The following UST variants were observed in gnomAD, a reference collection of about 807,000 sequenced individuals.
The protein encoded by UST is uronyl 2-sulfotransferase, also known as chondroitin sulfate 2-O-sulfotransferase.
UST carries 21 observed loss-of-function variants against 45.6 expected under a neutral mutation model. The observed-to-expected ratio is 0.46, with a 90% CI of 0.33 to 0.66. UST has a LOEUF of 0.66. Among genes scored for constraint, UST ranks in the 30% least tolerant of loss-of-function variants. The pLI, the probability that UST is intolerant of heterozygous loss-of-function variation, is 0.02. For synonymous variants in UST, 215 were observed against 200.6 expected, an observed-to-expected ratio of 1.07 and a Z score of -0.61; for missense variants, 463 against 512.4, an observed-to-expected ratio of 0.90 and a Z score of 0.93.
At chr6:148,875,597 A>T (rs1778633235) in intron 1 of UST, among the ~76,000 whole-genome samples, 1 of 152,190 alleles carries the variant, frequency 6.6e-6, no homozygotes, top group African/African-American at 2.4e-5. Context: ...GAGGTCAGGG[A>T]GTTCAAGACC....
chr6:148,809,369 C>G (rs1428613995), intron 1 of UST, among the ~76,000 whole-genome samples: 1 of 151,814 alleles, frequency 6.6e-6, no homozygotes, highest in African/African-American at 2.4e-5. Flanking sequence ...CCTCTTTCTC[C>G]CATACACTGT....
At chr6:148,778,717 C>T in intron 1 of UST, among the ~76,000 whole-genome samples, 1 of 152,140 alleles carries the variant, frequency 6.6e-6, no homozygotes, top group East Asian at 1.9e-4. Context: ...GTCCAGGGCA[C>T]CTGTAAGTAA....
chr6:148,792,340 C>T (rs891322652), intron 1 of UST, among the ~76,000 whole-genome samples: 1 of 152,210 alleles, frequency 6.6e-6, no homozygotes, highest in Non-Finnish European at 1.5e-5. Flanking sequence ...TCAGAGCTGA[C>T]CCCGGGCTGG....
At chr6:148,766,945 T>G (rs1776336329) in intron 1 of UST, among the ~76,000 whole-genome samples, 1 of 152,248 alleles carries the variant, frequency 6.6e-6, no homozygotes, top group Non-Finnish European at 1.5e-5. Flanking sequence ...TTATAACACT[T>G]TAGCTTACAG....
In UST at chr6:148,792,251, C is replaced by G. The variant is rs769203696; in HGVS notation, c.247+44574C>G. On this transcript the variant is annotated intron_variant, in intron 1 of 7. Transcript: ENST00000367463. The stretch of plus-strand genomic sequence containing the variant: ...AGTTTCTATCCTTGAATAAATTATG[C>G]TTGGCACCGTGCAGACCAAAATAGA... Among the ~76,000 whole-genome samples the G allele has an allele frequency of 3.3e-5, 5 of 152,136 alleles. 1 individual carries two copies. The highest frequency in any genetic ancestry group is 7.3e-5 in the Non-Finnish European group (5 of 68,036).
Position 149,023,149 on chromosome 6 carries a change from TG to T in UST, c.937+1670del, listed in dbSNP as rs1378173733. Among the ~76,000 whole-genome samples the T allele has an allele frequency of 4.7e-3, 637 of 135,616 alleles. 5 individuals carry two copies. Among genetic ancestry groups the T allele is most frequent in the Non-Finnish European group, 7.3e-3 (444 of 61,126 alleles). The allele number at this position is 135,616 out of a possible 152,430, so 89.0% of individuals were successfully genotyped here. The stretch of plus-strand genomic sequence containing the variant: ...GTGTGTGTGTGTGTGTGTGTGTGTG[TG>T]GTGTGGTGTGGTGTGTGGTGTGTGT... On this transcript the variant is annotated intron_variant, in intron 7 of 7. Transcript: ENST00000367463.
At chr6:148,772,313 G>C (rs1562563063) in intron 1 of UST, among the ~76,000 whole-genome samples, 1 of 152,134 alleles carries the variant, frequency 6.6e-6, no homozygotes, top group Admixed American at 6.5e-5. Flanking sequence ...ATCGCACTGG[G>C]TGGGTGATTA....
At chr6:148,947,339 C>T (rs1468533962) in intron 3 of UST, among the ~76,000 whole-genome samples, 1 of 152,160 alleles carries the variant, frequency 6.6e-6, no homozygotes, top group Non-Finnish European at 1.5e-5. Flanking sequence ...TTCTTAATCA[C>T]GATAGGCACC....
chr6:149,031,964 G>A (rs1334305863), intron 7 of UST, among the ~76,000 whole-genome samples: 4 of 152,248 alleles, frequency 2.6e-5, no homozygotes, highest in Non-Finnish European at 5.9e-5. Flanking sequence ...GATTGGAAGC[G>A]TGGAGGTGAG....
intron 2 of UST, among the ~76,000 whole-genome samples, chr6:148,936,788 C>A (rs1231518893): frequency 1.3e-5 from 2 of 152,050 alleles, no homozygotes; most frequent in African/African-American, 4.8e-5. Context: ...CTCTGCCTCT[C>A]GGCTTCAAGC....
At chr6:148,904,332 A>G (rs1036195071) in intron 2 of UST, among the ~76,000 whole-genome samples, 5 of 152,210 alleles carry the variant, frequency 3.3e-5, no homozygotes, top group African/African-American at 1.2e-4. Flanking sequence ...ATATATATTC[A>G]TGGATGATGA....
chr6:148,789,627 G>C (rs1210298970), intron 1 of UST, among the ~76,000 whole-genome samples: 1 of 151,996 alleles, frequency 6.6e-6, no homozygotes, highest in African/African-American at 2.4e-5. Flanking sequence ...TCAGTTCACT[G>C]CAGCTTCTAC....
intron 2 of UST, among the ~76,000 whole-genome samples, chr6:148,936,386 G>C (rs1251630331): frequency 6.6e-6 from 1 of 152,128 alleles, no homozygotes; most frequent in Non-Finnish European, 1.5e-5. Flanking sequence ...GGGGCACACA[G>C]AGGGAGTTAC....
chr6:149,040,383 C>T (rs767429564), intron 7 of UST, among the ~76,000 whole-genome samples: 7 of 152,032 alleles, frequency 4.6e-5, no homozygotes, highest in Non-Finnish European at 7.4e-5. Flanking sequence ...GTAGGCCGGG[C>T]GCAGTGACTC....
chr6:148,756,772 A>G (rs1415050304), intron 1 of UST, among the ~76,000 whole-genome samples: 1 of 152,188 alleles, frequency 6.6e-6, no homozygotes, highest in Non-Finnish European at 1.5e-5. Context: ...CTGCTCTGAC[A>G]TCTCTTCTGG....
intron 5 of UST, among the ~76,000 whole-genome samples, chr6:148,977,384 C>T (rs1234975390): frequency 1.3e-5 from 2 of 151,992 alleles, no homozygotes; most frequent in Non-Finnish European, 1.5e-5. Context: ...TCCAGTCTTT[C>T]CTCTTTACTC....
At chr6:148,904,071 C>G (rs1779313077) in intron 2 of UST, among the ~76,000 whole-genome samples, 1 of 152,160 alleles carries the variant, frequency 6.6e-6, no homozygotes, top group Admixed American at 6.5e-5. Flanking sequence ...GACATTGACT[C>G]TGGAAAATCA....
chr6:148,925,582 C>T (rs1370189025), intron 2 of UST, among the ~76,000 whole-genome samples: 1 of 152,178 alleles, frequency 6.6e-6, no homozygotes, highest in Admixed American at 6.5e-5. Flanking sequence ...CAATTCTACA[C>T]GTTTAATGTC....
chr6:148,993,156 T>C, intron 5 of UST: 1 of 744,038 alleles, frequency 1.3e-6, no homozygotes, highest in Non-Finnish European at 1.6e-6. Flanking sequence ...GATTTCTACA[T>C]CTAAACAAGG....
Sources: allele counts gnomAD v4.1 joint callset (sites outside exome capture counted in the v4.1 genomes callset), GRCh38; gene constraint gnomAD v4.1.1; transcripts MANE v1.5; gene names NCBI Gene and HGNC (gene_info 2026-07-23, HGNC 2026-07-21).